The following DLGAP2 variants were observed in gnomAD, a reference collection of about 807,000 sequenced individuals.
The protein encoded by DLGAP2 is disks large-associated protein 2.
Under a neutral mutation model 100.3 loss-of-function variants are expected in DLGAP2, and 26 were observed. The ratio of observed to expected loss-of-function variants is 0.26; its 90% confidence interval spans 0.19 to 0.36. DLGAP2 has a LOEUF of 0.36. Ranked by LOEUF, DLGAP2 falls within the 10% of genes least tolerant of loss-of-function variation. The probability of loss-of-function intolerance (pLI) is 1.00; values close to 1 mark genes in which losing one functional copy is unlikely to be tolerated. For missense variants in DLGAP2, 1,858 were observed against 1,453.2 expected, an observed-to-expected ratio of 1.28 and a Z score of -4.53; for synonymous variants, 886 against 630.1, an observed-to-expected ratio of 1.41 and a Z score of -6.08.
chr8:825,094 C>T (rs1381872342), intron 1 of DLGAP2, among the ~76,000 whole-genome samples: 1 of 152,202 alleles, frequency 6.6e-6, no homozygotes, highest in Non-Finnish European at 1.5e-5. Flanking sequence ...TCCCCCAGAA[C>T]TCACTGCAGA....
intron 2 of DLGAP2, among the ~76,000 whole-genome samples, chr8:993,619 A>G (rs1800692610): frequency 6.6e-6 from 1 of 151,770 alleles, no homozygotes; most frequent in South Asian, 2.1e-4. Context: ...CCTGGTGTGT[A>G]TCCTTTCTCC....
intron 8 of DLGAP2, among the ~76,000 whole-genome samples, chr8:1,660,929 T>C (rs1483757972): frequency 6.6e-6 from 1 of 152,194 alleles, no homozygotes; most frequent in Non-Finnish European, 1.5e-5. Context: ...GGCACCGTGA[T>C]TCCGTAGCTA....
intron 1 of DLGAP2, among the ~76,000 whole-genome samples, chr8:861,381 C>T (rs993865745): frequency 1.3e-5 from 2 of 152,022 alleles, no homozygotes; most frequent in African/African-American, 2.4e-5. Flanking sequence ...TCACACATAC[C>T]GGGGATGACT....
At chr8:1,277,649 G>A (rs1799730309) in intron 3 of DLGAP2, among the ~76,000 whole-genome samples, 1 of 152,208 alleles carries the variant, frequency 6.6e-6, no homozygotes, top group Non-Finnish European at 1.5e-5. Flanking sequence ...CAGTATCTGA[G>A]TATCCAAGTG....
intron 3 of DLGAP2, among the ~76,000 whole-genome samples, chr8:1,425,967 G>A (rs1031400019): frequency 6.6e-6 from 1 of 152,226 alleles, no homozygotes. Flanking sequence ...CCAGGTGGCT[G>A]GAGGACAGCA....
chr8:1,195,977 G>C (rs1459003482), intron 2 of DLGAP2, among the ~76,000 whole-genome samples: 14 of 152,176 alleles, frequency 9.2e-5, no homozygotes, highest in Admixed American at 7.2e-4. Context: ...TTGTCACACT[G>C]GGCAGCTGTG....
At chr8:1,047,667 A>T (rs1318537405) in intron 2 of DLGAP2, among the ~76,000 whole-genome samples, 1 of 151,688 alleles carries the variant, frequency 6.6e-6, no homozygotes, top group East Asian at 1.9e-4. Context: ...ATGGCCTCCC[A>T]CTGTGTCCCA....
rs116499148 is a variant in DLGAP2, at chr8:1,094,948, G to A, written c.74-163903G>A. On this transcript the variant is annotated intron_variant, in intron 2 of 14. Coordinates refer to ENST00000637795, the MANE Select transcript of DLGAP2 (RefSeq NM_001346810.2). ...TAAGTGGACACAGGGAGAAACAGAA[G>A]GACAGCTCTGCTCTTCAGGAGCGGC... Among the ~76,000 whole-genome samples, 1,091 of 152,342 alleles carry A rather than the reference G, an allele frequency of 7.2e-3. 9 individuals are homozygous for A. Among genetic ancestry groups the A allele is most frequent in the African/African-American group, 0.025 (1,048 of 41,572 alleles).
chr8:1,092,548 G>T (rs1288826560), intron 2 of DLGAP2, among the ~76,000 whole-genome samples: 1 of 152,200 alleles, frequency 6.6e-6, no homozygotes, highest in Non-Finnish European at 1.5e-5. Context: ...AGAGGGGGCT[G>T]TGGCCGGCTC....
At chr8:1,083,663 G>A (rs956315523) in intron 2 of DLGAP2, among the ~76,000 whole-genome samples, 24 of 152,314 alleles carry the variant, frequency 1.6e-4, no homozygotes, top group East Asian at 1.9e-4. Flanking sequence ...GGGGCAATTA[G>A]GTGGCATTTA....
At position 1,197,188 on chromosome 8, in the gene DLGAP2, G is replaced by A. The variant is rs1279366195; in HGVS notation, c.74-61663G>A. 3.9e-5 allele frequency among the ~76,000 whole-genome samples: 6 copies of A among 152,260 alleles called. No individual in the cohort carries two copies. In the East Asian group the frequency reaches 5.8e-4, roughly 15 times the overall value. On this transcript the variant is annotated intron_variant, in intron 2 of 14. Coordinates refer to ENST00000637795, the MANE Select transcript of DLGAP2 (RefSeq NM_001346810.2). ...TGGAAACGCCGTCACAGACACACAC[G>A]GAAGTCATGTTCCCACATTGCAGAG...
intron 6 of DLGAP2, among the ~76,000 whole-genome samples, chr8:1,605,362 C>G (rs1270023146): frequency 6.6e-6 from 1 of 152,180 alleles, no homozygotes; most frequent in African/African-American, 2.4e-5. Flanking sequence ...CAGCAGGGCT[C>G]TCAGAGTGCG....
In DLGAP2 at chr8:1,599,925, C is replaced by T. The variant is rs184918739; in HGVS notation, c.1443-26815C>T. On this transcript the variant is annotated intron_variant, in intron 6 of 14. Coordinates refer to ENST00000637795, the MANE Select transcript of DLGAP2 (RefSeq NM_001346810.2). ...TTGATCCTGTCATTATGATGCTAGC[C>T]GGTTATTTTGCCCATTAATTGATGC... Among the ~76,000 whole-genome samples, 584 of 152,052 alleles carry T rather than the reference C, an allele frequency of 3.8e-3. 3 individuals carry two copies. Among genetic ancestry groups the T allele is most frequent in the Admixed American group, 8.8e-3 (135 of 15,266 alleles).
chr8:940,037 G>A (rs1403830784), intron 2 of DLGAP2, among the ~76,000 whole-genome samples: 1 of 152,064 alleles, frequency 6.6e-6, no homozygotes, highest in Non-Finnish European at 1.5e-5. Flanking sequence ...TCTTTAAGGT[G>A]GAAAGCTTCT....
intron 1 of DLGAP2, among the ~76,000 whole-genome samples, chr8:766,867 G>T (rs55664508): frequency 0.048 from 7,354 of 152,228 alleles, 246 homozygotes; most frequent in Non-Finnish European, 0.073. Context: ...GTGTTTTCTA[G>T]TTCCTTGGGT....
At chr8:1,566,534 G>C (rs1213561465) in intron 6 of DLGAP2, among the ~76,000 whole-genome samples, 1 of 152,174 alleles carries the variant, frequency 6.6e-6, no homozygotes, top group African/African-American at 2.4e-5. Flanking sequence ...AGTTAGTTTG[G>C]GTGGTAATGC....
intron 1 of DLGAP2, among the ~76,000 whole-genome samples, chr8:815,215 G>C (rs1796454305): frequency 6.6e-6 from 1 of 152,308 alleles, no homozygotes; most frequent in Admixed American, 6.5e-5. Context: ...AGTACAGGAG[G>C]CTTGGGGTCT....
chr8:1,209,294 A>G (rs1160287130), intron 2 of DLGAP2, among the ~76,000 whole-genome samples: 1 of 152,222 alleles, frequency 6.6e-6, no homozygotes, highest in Non-Finnish European at 1.5e-5. Context: ...GTACTGGCAT[A>G]AAAATAGGCA....
intron 2 of DLGAP2, among the ~76,000 whole-genome samples, chr8:1,204,969 G>C (rs1348841968): frequency 6.6e-6 from 1 of 152,162 alleles, no homozygotes; most frequent in Non-Finnish European, 1.5e-5. Flanking sequence ...TTAATTCAGT[G>C]GGGCTGACAG....
Sources: gnomAD v4.1 joint callset for allele counts (sites outside exome capture counted in the v4.1 genomes callset) on GRCh38, gnomAD v4.1.1 for gene constraint, MANE v1.5 for transcripts, NCBI Gene and HGNC (gene_info 2026-07-23, HGNC 2026-07-21) for gene names.